Variants in PPM1M observed in about 807,000 individuals in gnomAD.
The protein encoded by PPM1M is protein phosphatase, Mg2+/Mn2+ dependent 1M.
In PPM1M, 44 loss-of-function variants were observed where a neutral mutation model predicts 50.8. The observed-to-expected ratio is 0.87, with a 90% CI of 0.68 to 1.11. The LOEUF (loss-of-function observed/expected upper bound fraction) is 1.11. PPM1M is among the 50% of genes most tolerant of loss of function. The probability of loss-of-function intolerance (pLI) is 0.00; values close to 1 mark genes in which losing one functional copy is unlikely to be tolerated. For synonymous variants in PPM1M, 224 were observed against 242.9 expected (o/e 0.92, Z 0.72); for missense variants, 556 against 593.4 (o/e 0.94, Z 0.66).
At chr3:52,248,016 G>C (rs1559447442) in intron 4 of PPM1M, 137 bp from the exon 5 acceptor site, 2 of 838,792 alleles carry the variant, frequency 2.4e-6, no homozygotes, top group East Asian at 2.7e-5. Context: ...GCAGGTCTTA[G>C]GTAGTCATGG....
At chr3:52,248,867 T>C in intron 7 of PPM1M, 89 bp from the exon 8 acceptor site, 1 of 1,254,724 alleles carries the variant, frequency 8.0e-7, no homozygotes. Flanking sequence ...ACAGTCCACC[T>C]CTCCCTGTGT....
Position 52,249,320 on chromosome 3 carries a change from C to G in PPM1M, c.1233C>G (p.His411Gln). The G allele has an allele frequency of 6.3e-7, 1 of 1,597,496 alleles. No individual in the cohort carries two copies. Among genetic ancestry groups the G allele is most frequent in the East Asian group, 2.3e-5 (1 of 44,102 alleles). ...TCCCTGGGAACCAAGAGGACCCACA[C>G]AGGTACTGTAGCTGCTGGGGACCTG... ...SFLPGNQEDPHRFSKLAQMLI... is the reference protein window; with the variant it reads ...SFLPGNQEDPQRFSKLAQMLI... The change falls in exon 9 of 10, where the codon CAC becomes CAG. Residue 411 changes from histidine to glutamine, a missense_variant and splice_region_variant. Transcript: ENST00000323588.
Position 52,245,793 on chromosome 3 carries a change from G to GCGCT in PPM1M, c.-30_-27dup, listed in dbSNP as rs1296242336. ...GCGGGCGGCCCAGCCCTAGCGCCCC[G>GCGCT]CGCTCCGCGGGCAGCCCCCTGCCGC... On this transcript the variant is annotated 5_prime_UTR_variant, in exon 1 of 10. Transcript: ENST00000323588. The surrounding 1 kb of genome is among the most constrained non-coding windows in gnomAD (Gnocchi z 4.8). The GCGCT allele has an allele frequency of 1.0e-6, 1 of 987,134 alleles. No individual in the cohort carries two copies. The highest frequency in any genetic ancestry group is 1.2e-6 in the Non-Finnish European group (1 of 831,202). The allele number at this position is 987,134 out of a possible 1,614,324, so 61.1% of individuals were successfully genotyped here.
At chr3:52,249,348 T>C (rs1264374412) in intron 9 of PPM1M, 26 bp downstream of exon 9, 2 of 1,573,870 alleles carry the variant, frequency 1.3e-6, no homozygotes. Context: ...GGGACCTGCC[T>C]GGGCCTGGGT....
At chr3:52,247,390 A>G in intron 3 of PPM1M, 162 bp downstream of exon 3, 1 of 1,030,592 alleles carries the variant, frequency 9.7e-7, no homozygotes, top group South Asian at 1.7e-5. Flanking sequence ...CTATCAGCAT[A>G]ACCCCTCTCA....
rs147076867 is a variant in PPM1M, at chr3:52,246,527, G to T, written c.225-168G>T. ...GACTTTTACCTTAGCCATGAGGCCA[G>T]TGAAGTTAGGAAGCTTACATCGTGG... On this transcript the variant is annotated intron_variant, in intron 1 of 9. Transcript: ENST00000323588. The T allele has an allele frequency of 3.0e-3, 1,455 of 493,050 alleles. 15 individuals are homozygous for T. The highest frequency in any genetic ancestry group is 0.025 in the African/African-American group (1,253 of 49,346). The allele number at this position is 493,050 out of a possible 1,614,324, so 30.5% of individuals were successfully genotyped here.
intron 1 of PPM1M, chr3:52,246,265 C>T (rs1015323403): frequency 1.3e-5 from 13 of 1,026,732 alleles, no homozygotes; most frequent in Admixed American, 5.7e-5. Flanking sequence ...GACAGGAGGT[C>T]GGGAAGGACC....
Position 52,246,977 on chromosome 3 carries a change from C to T in PPM1M, c.346C>T (p.Leu116=). 6.5e-7 allele frequency: 1 copy of T among 1,540,556 alleles called. No homozygotes were observed. The highest frequency in any genetic ancestry group is 8.8e-7 in the Non-Finnish European group (1 of 1,141,916). ...EWLTLCPEEF[L]TGHYWALFDG... is the part of the protein sequence containing the mutation. ...ACACTGAGCCCTTCCTGTGCAGTTC[C>T]TGACAGGCCATTACTGGGCACTGTT... The change falls in exon 3 of 10, where the codon CTG becomes TTG. Residue 116 remains leucine (L), a synonymous_variant. Transcript: ENST00000323588.
Position 52,247,054 on chromosome 3 carries a change from C to T in PPM1M, c.423C>T (p.His141=), listed in dbSNP as rs779580983. The T allele has an allele frequency of 1.5e-4, 238 of 1,558,560 alleles. No individual in the cohort carries two copies. The Middle Eastern group carries it at 2.0e-3, about 13-fold the overall frequency. The change falls in exon 3 of 10, where the codon CAC becomes CAT. Residue 141 remains histidine, a synonymous_variant. Coordinates refer to ENST00000323588, the MANE Select transcript of PPM1M (RefSeq NM_144641.4). ...CCATCTTGGCTGCCAACACCCTGCA[C>T]TCCTGCTTGCGCCGGCAGCTGGAGG... ...AAAILAANTL[H]SCLRRQLEAV... is the part of the protein sequence containing the mutation.
At position 52,246,050 on chromosome 3, in the gene PPM1M, T is replaced by G. The variant is rs746182967; in HGVS notation, c.224+2T>G. 1.8e-6 allele frequency: 2 copies of G among 1,132,576 alleles called. No homozygotes were observed. Among genetic ancestry groups the G allele is most frequent in the African/African-American group, 1.7e-5 (1 of 58,722 alleles). The allele number at this position is 1,132,576 out of a possible 1,614,324, so 70.2% of individuals were successfully genotyped here. A position where few individuals can be genotyped will look rare whatever the true frequency, so the allele number is the denominator to read the frequency against. Reference sequence around the variant, plus strand: ...ACCCTGGAATGCAGGCTACGCCGAGTGAGTGCCCCTCCCCGACCCCCAGCT... The same window carrying G: ...ACCCTGGAATGCAGGCTACGCCGAGGGAGTGCCCCTCCCCGACCCCCAGCT... On this transcript the variant is annotated splice_donor_variant, in intron 1 of 9. Coordinates refer to ENST00000323588, the MANE Select transcript of PPM1M (RefSeq NM_144641.4). LOFTEE classifies it high-confidence loss of function.
intron 2 of PPM1M, 37 bp from the exon 3 acceptor site, chr3:52,246,937 G>A (rs1005764064): frequency 1.3e-6 from 2 of 1,524,986 alleles, no homozygotes; most frequent in African/African-American, 2.8e-5. Flanking sequence ...AAGTGGGGAA[G>A]TCAGGCAGAG....
rs375608914 is a variant in PPM1M, at chr3:52,247,670, G to A, written c.598-12G>A. 6 of 1,572,612 alleles carry A rather than the reference G, an allele frequency of 3.8e-6. No homozygotes were observed. Among genetic ancestry groups the A allele is most frequent in the Middle Eastern group, 1.7e-4 (1 of 5,896 alleles). On this transcript the variant is annotated splice_polypyrimidine_tract_variant and intron_variant, in intron 3 of 9. Transcript: ENST00000323588. ...AACAGGCAGCAGCTAAGGTGGCCTC[G>A]GTTTTCCCCAGGATGAGGTGATCGG...
chr3:52,247,274 CG>C, intron 3 of PPM1M, 46 bp downstream of exon 3: 1 of 1,558,792 alleles, frequency 6.4e-7, no homozygotes, highest in Non-Finnish European at 8.7e-7. Context: ...GATTTTGCCC[CG>C]GGGATCTCAG....
At chr3:52,248,746 C>G (rs757950732) in intron 7 of PPM1M, 46 bp downstream of exon 7, 15 of 1,586,508 alleles carry the variant, frequency 9.5e-6, no homozygotes, top group Non-Finnish European at 1.2e-5. Context: ...TCTTCATTGT[C>G]CCCTGCAGAG....
chr3:52,247,777 C>T lies in PPM1M; in HGVS notation c.693C>T (p.Ala231=), dbSNP rs752134443. ...CCCTGCAGGGAAAGCTGTACATGGC[C>T]AATGCTGGGGATAGCAGGTGAGTCA... The part of the protein sequence containing the change: ...AVSLQGKLYM[A]NAGDSRAILV... The change falls in exon 4 of 10, where the codon GCC becomes GCT. Residue 231 remains alanine, a synonymous_variant. Coordinates refer to ENST00000323588, the MANE Select transcript of PPM1M (RefSeq NM_144641.4). The T allele has an allele frequency of 2.7e-5, 34 of 1,280,892 alleles. No individual in the cohort carries two copies. In the East Asian group the frequency reaches 9.0e-4, roughly 34 times the overall value. The allele number at this position is 1,280,892 out of a possible 1,614,324, so 79.3% of individuals were successfully genotyped here.
Position 52,248,467 on chromosome 3 carries a change from G to A in PPM1M, c.914+14G>A, listed in dbSNP as rs772247753. ...CATGAGTGGCTGGTGAGTGGGGATGGGGGACAGGTAGGAAGGGAGACCCCT... is the reference window on the plus strand; with the variant it reads ...CATGAGTGGCTGGTGAGTGGGGATGAGGGACAGGTAGGAAGGGAGACCCCT... On this transcript the variant is annotated intron_variant, in intron 6 of 9. Coordinates refer to ENST00000323588, the MANE Select transcript of PPM1M (RefSeq NM_144641.4). 9.9e-6 allele frequency: 16 copies of A among 1,609,172 alleles called. No individual in the cohort carries two copies. In the Admixed American group the frequency reaches 1.2e-4, roughly 12 times the overall value.
intron 9 of PPM1M, 81 bp from the exon 10 acceptor site, chr3:52,249,589 C>G (rs1699927660): frequency 6.3e-7 from 1 of 1,584,860 alleles, no homozygotes; most frequent in Non-Finnish European, 8.6e-7. Flanking sequence ...CATGTCCAGC[C>G]TTGTGCAGTG....
In PPM1M at chr3:52,249,281, G is replaced by A. The variant is rs755625875; in HGVS notation, c.1194G>A (p.Leu398=). 9 of 1,612,250 alleles carry A rather than the reference G, an allele frequency of 5.6e-6. 1 individual carries two copies. The highest frequency in any genetic ancestry group is 3.3e-4 in the Middle Eastern group (2 of 6,056). The part of the protein sequence containing the change: ...DVLSNEQVAW[L]VRSFLPGNQE... ...TGTCCAACGAGCAGGTGGCATGGCT[G>A]GTGCGGAGCTTCCTCCCTGGGAACC... The change falls in exon 9 of 10, where the codon CTG becomes CTA. Residue 398 remains leucine (L), a synonymous_variant. Transcript: ENST00000323588.
In PPM1M at chr3:52,248,382, G is replaced by T. The variant is rs568290284; in HGVS notation, c.843G>T (p.Glu281Asp). The change falls in exon 6 of 10, where the codon GAG (glutamate) becomes GAT (aspartate). Residue 281 changes from glutamate (E) to aspartate (D), a missense_variant. Transcript: ENST00000323588. ...ELLAGEFTRL[E>D]FPRRLKGDDL... ...TGGCTGGTGAGTTCACCCGACTGGA[G>T]TTCCCTCGGCGGCTGAAGGGGGATG... 6.2e-7 allele frequency: 1 copy of T among 1,613,774 alleles called. No individual in the cohort carries two copies. The highest frequency in any genetic ancestry group is 1.3e-5 in the African/African-American group (1 of 75,030).
Sources: allele counts gnomAD v4.1 joint callset, GRCh38; gene constraint gnomAD v4.1.1; non-coding constraint Gnocchi (gnomAD v3.1); transcripts MANE v1.5; gene names NCBI Gene and HGNC (gene_info 2026-07-23, HGNC 2026-07-21).